PRKCH: variants seen among roughly 807,000 people sequenced by gnomAD.
PRKCH encodes protein kinase C eta.
Under a neutral mutation model 82.5 loss-of-function variants are expected in PRKCH, and 28 were observed. The observed-to-expected ratio is 0.34, with a 90% CI of 0.25 to 0.47. PRKCH has a LOEUF of 0.47. Ranked by LOEUF, PRKCH falls within the 20% of genes least tolerant of loss-of-function variation. The pLI is 1.00. For synonymous variants in PRKCH, 322 were observed against 327.4 expected (o/e 0.98, Z 0.18); for missense variants, 705 against 881.8 (o/e 0.80, Z 2.54).
intron 1 of PRKCH, among the ~76,000 whole-genome samples, chr14:61,360,229 G>A (rs1441051188): frequency 6.6e-6 from 1 of 152,220 alleles, no homozygotes; most frequent in East Asian, 1.9e-4. Flanking sequence ...AAGAGGTTGG[G>A]TGCAGTGGCT....
chr14:61,466,642 C>A (rs754677676), intron 9 of PRKCH, among the ~76,000 whole-genome samples: 1 of 152,126 alleles, frequency 6.6e-6, no homozygotes, highest in African/African-American at 2.4e-5. Context: ...GGCCAGTGCC[C>A]GAAACAGCCT....
At chr14:61,300,109 A>G (rs987292495) in intron 1 of PRKCH, among the ~76,000 whole-genome samples, 3 of 152,124 alleles carry the variant, frequency 2.0e-5, no homozygotes, top group African/African-American at 7.2e-5. Flanking sequence ...CTCATAATAT[A>G]GTTTTCCTTT....
chr14:61,271,614 GT>G (rs2045154694), intron 1 of PRKCH, among the ~76,000 whole-genome samples: 3 of 152,212 alleles, frequency 2.0e-5, no homozygotes, highest in South Asian at 4.1e-4. Context: ...CCTTAGACTA[GT>G]TATTTAACCT....
At chr14:61,207,105 T>TAAAAAA (rs1293406699) in intron 1 of PRKCH, among the ~76,000 whole-genome samples, 1 of 19,468 alleles carries the variant, frequency 5.1e-5, no homozygotes, top group African/African-American at 2.2e-4. Context: ...AAACTCCATC[T>TAAAAAA]CAAAAAAAAA....
At position 61,322,356 on chromosome 14, in the gene PRKCH, C is replaced by G. The variant is rs767441680; in HGVS notation, c.255C>G (p.Ala85=). 2.5e-6 allele frequency: 4 copies of G among 1,613,194 alleles called. No individual in the cohort carries two copies. Among genetic ancestry groups the G allele is most frequent in the East Asian group, 2.2e-5 (1 of 44,792 alleles). ...CCGACGGCGGCCACCTCGAGTTGGC[C>G]GTCTTCCACGAGACGCCCCTGGGCT... ...NVTDGGHLEL[A]VFHETPLGYD... Residue 85 remains alanine, a synonymous_variant, in exon 1 of 14, where the codon GCC becomes GCG. Transcript: ENST00000332981.
At chr14:61,208,825 C>G (rs1000067102) in intron 1 of PRKCH, among the ~76,000 whole-genome samples, 3 of 152,168 alleles carry the variant, frequency 2.0e-5, no homozygotes, top group Non-Finnish European at 4.4e-5. Flanking sequence ...TGTGTCCCTA[C>G]AAAATTCACT....
rs202120951 is a variant in PRKCH at position 61,322,416 on chromosome 14, C to T, written c.315C>T (p.Phe105=). The change falls in exon 1 of 14, where the codon TTC becomes TTT. Residue 105 remains phenylalanine, a synonymous_variant. Coordinates refer to ENST00000332981, the MANE Select transcript of PRKCH (RefSeq NM_006255.5). ...DHFVANCTLQ[F]QELLRTTGAS... ...TCGTGGCCAACTGCACCCTGCAGTT[C>T]CAGGAGCTGCTGCGCACGACCGGCG... is the stretch of plus-strand genomic sequence containing the variant. 6.2e-7 allele frequency: 1 copy of T among 1,602,802 alleles called. No homozygotes were observed. Among genetic ancestry groups the T allele is most frequent in the East Asian group, 2.2e-5 (1 of 44,496 alleles).
rs150640623 is a variant in PRKCH at position 61,220,836 on chromosome 14, G to A, written c.-19+33168G>A. The stretch of plus-strand genomic sequence containing the variant: ...AAGAAAAAGGAAGAAAATGAAACAG[G>A]CAAAGATACAGAATTTAAAGTTTAA... On this transcript the variant is annotated intron_variant, in intron 1 of 3. Transcript: ENST00000555185. Among the ~76,000 whole-genome samples the A allele has an allele frequency of 2.4e-3, 362 of 152,134 alleles. 2 individuals carry two copies. Among genetic ancestry groups the A allele is most frequent in the African/African-American group, 8.2e-3 (339 of 41,514 alleles).
intron 1 of PRKCH, among the ~76,000 whole-genome samples, chr14:61,228,055 G>T (rs939702176): frequency 6.6e-6 from 1 of 152,098 alleles, no homozygotes; most frequent in African/African-American, 2.4e-5. Context: ...CATTTACATT[G>T]TCCCAAAGGA....
chr14:61,401,670 T>G (rs1316846511), intron 2 of PRKCH, among the ~76,000 whole-genome samples: 1 of 152,256 alleles, frequency 6.6e-6, no homozygotes, highest in Non-Finnish European at 1.5e-5. Flanking sequence ...CACTTAAGAA[T>G]GTCTTTGATG....
intron 2 of PRKCH, among the ~76,000 whole-genome samples, chr14:61,404,234 G>A (rs1289482190): frequency 5.0e-5 from 1 of 20,166 alleles, no homozygotes; most frequent in African/African-American, 2.1e-4. Flanking sequence ...ACTGCATGAA[G>A]TTGATGGGGA....
intron 1 of PRKCH, among the ~76,000 whole-genome samples, chr14:61,227,713 GT>G (rs1388329744): frequency 1.3e-5 from 2 of 152,060 alleles, no homozygotes; most frequent in South Asian, 4.2e-4. Context: ...AGTAATCGCG[GT>G]TTTTGCCATT....
At position 61,524,785 on chromosome 14, in the gene PRKCH, C is replaced by T. The variant is rs147090702; in HGVS notation, c.1434-4290C>T. 4.6e-5 allele frequency among the ~76,000 whole-genome samples: 7 copies of T among 152,298 alleles called. No individual in the cohort carries two copies. The East Asian group carries it at 5.8e-4, about 13-fold the overall frequency. On this transcript the variant is annotated intron_variant, in intron 10 of 13. Coordinates refer to ENST00000332981, the MANE Select transcript of PRKCH (RefSeq NM_006255.5). ...GAGGATAAGTGTTCTGCTTGGTCCT[C>T]GTTGTTTAATAATTGACCCTTCAAA...
At chr14:61,281,046 G>A (rs1469387143) in intron 1 of PRKCH, 7 of 1,525,952 alleles carry the variant, frequency 4.6e-6, no homozygotes, top group African/African-American at 1.4e-5. Flanking sequence ...GCGGCAGCGC[G>A]ATGCTGGCCG....
At chr14:61,217,513 G>A (rs1440346403) in intron 1 of PRKCH, among the ~76,000 whole-genome samples, 2 of 152,172 alleles carry the variant, frequency 1.3e-5, no homozygotes, top group East Asian at 1.9e-4. Context: ...GTCTCCACTC[G>A]CACTTAGAGG....
intron 12 of PRKCH, among the ~76,000 whole-genome samples, chr14:61,531,905 T>C (rs1315282340): frequency 2.6e-5 from 4 of 152,220 alleles, no homozygotes; most frequent in African/African-American, 4.8e-5. Flanking sequence ...GGGCCTGTCT[T>C]CGTGGATTTG....
intron 1 of PRKCH, among the ~76,000 whole-genome samples, chr14:61,265,972 G>A (rs1594881690): frequency 1.3e-5 from 2 of 152,210 alleles, no homozygotes; most frequent in East Asian, 3.9e-4. Context: ...GCATGCGCCT[G>A]TAATCCTAGC....
chr14:61,191,069 A>G (rs1198401247), intron 1 of PRKCH, among the ~76,000 whole-genome samples: 1 of 152,224 alleles, frequency 6.6e-6, no homozygotes, highest in East Asian at 1.9e-4. Flanking sequence ...ACAATGAAAA[A>G]GATTATTATT....
chr14:61,198,574 C>T (rs1445491195), intron 1 of PRKCH, among the ~76,000 whole-genome samples: 1 of 152,170 alleles, frequency 6.6e-6, no homozygotes, highest in East Asian at 1.9e-4. Flanking sequence ...ACATAATGAT[C>T]TCCCCACAGT....
Sources: allele counts gnomAD v4.1 joint callset (sites outside exome capture counted in the v4.1 genomes callset), GRCh38; gene constraint gnomAD v4.1.1; transcripts MANE v1.5; gene names NCBI Gene and HGNC (gene_info 2026-07-23, HGNC 2026-07-21).